Variants in KLHL1 observed in about 807,000 individuals in gnomAD.
The protein encoded by KLHL1 is kelch like family member 1.
KLHL1 carries 47 observed loss-of-function variants against 77.7 expected under a neutral mutation model. The ratio of observed to expected loss-of-function variants is 0.60; its 90% CI spans 0.48 to 0.77. The LOEUF (loss-of-function observed/expected upper bound fraction) is 0.77. Among genes scored for constraint, KLHL1 ranks in the 30% least tolerant of loss-of-function variants. The pLI is 0.00. For missense variants in KLHL1, 925 were observed against 910.8 expected, an observed-to-expected ratio of 1.02 and a Z score of -0.20; for synonymous variants, 360 against 325.2, an observed-to-expected ratio of 1.11 and a Z score of -1.15.
intron 6 of KLHL1, among the ~76,000 whole-genome samples, chr13:69,830,043 G>GA (rs1878701287): frequency 6.9e-6 from 1 of 143,974 alleles, no homozygotes; most frequent in African/African-American, 2.8e-5. Flanking sequence ...TAATACAGTG[G>GA]GAAAAAAAAA....
intron 7 of KLHL1, among the ~76,000 whole-genome samples, chr13:69,750,821 T>G (rs1803638017): frequency 1.3e-5 from 2 of 152,086 alleles, no homozygotes; most frequent in Admixed American, 1.3e-4. Context: ...ATTTCATTCT[T>G]TCTTTGGCTG....
At chr13:69,967,686 A>T (rs1422686101) in intron 2 of KLHL1, among the ~76,000 whole-genome samples, 2 of 152,150 alleles carry the variant, frequency 1.3e-5, no homozygotes, top group African/African-American at 4.8e-5. Flanking sequence ...GGAGTTCAAG[A>T]TCAGCCTGGC....
chr13:69,922,563 C>A (rs1021452559), intron 4 of KLHL1, among the ~76,000 whole-genome samples: 1 of 152,014 alleles, frequency 6.6e-6, no homozygotes, highest in Non-Finnish European at 1.5e-5. Flanking sequence ...AGGAAAGTAA[C>A]CTCCTAATTT....
chr13:69,885,151 A>G (rs1040541693), intron 4 of KLHL1, among the ~76,000 whole-genome samples: 3 of 147,878 alleles, frequency 2.0e-5, no homozygotes, highest in African/African-American at 7.8e-5. Flanking sequence ...CGTGTTAGCC[A>G]GGATGGTCTC....
At chr13:69,943,793 C>T (rs577627917) in intron 3 of KLHL1, among the ~76,000 whole-genome samples, 4 of 152,092 alleles carry the variant, frequency 2.6e-5, no homozygotes, top group Non-Finnish European at 5.9e-5. Flanking sequence ...TGACTTAAAA[C>T]TTCAGAGGAA....
At chr13:69,858,090 T>A (rs902015913) in intron 5 of KLHL1, among the ~76,000 whole-genome samples, 2 of 152,098 alleles carry the variant, frequency 1.3e-5, no homozygotes, top group African/African-American at 4.8e-5. Context: ...TAAGGTCAGT[T>A]CTGACAAGTT....
chr13:69,885,423 TA>T (rs1175696065), intron 4 of KLHL1, among the ~76,000 whole-genome samples: 1 of 27,264 alleles, frequency 3.7e-5, no homozygotes, highest in Non-Finnish European at 2.0e-4. Flanking sequence ...ATGTAGGTGT[TA>T]TTTTTTTTTT....
At chr13:70,014,661 G>A (rs1885614784) in intron 1 of KLHL1, among the ~76,000 whole-genome samples, 1 of 152,106 alleles carries the variant, frequency 6.6e-6, no homozygotes, top group Non-Finnish European at 1.5e-5. Flanking sequence ...TCCAATTGCT[G>A]TAGGATCTTT....
chr13:69,853,318 G>A (rs1245305968), intron 5 of KLHL1, among the ~76,000 whole-genome samples: 1 of 151,892 alleles, frequency 6.6e-6, no homozygotes, highest in Non-Finnish European at 1.5e-5. Flanking sequence ...GGTTTTATAA[G>A]GGGCTTTTCC....
At position 69,882,527 on chromosome 13, in the gene KLHL1, T is replaced by G. The variant is rs187111085; in HGVS notation, c.1015-32A>C. The stretch of plus-strand genomic sequence containing the variant: ...GGAGAAAATATCTTGGCATAAATTC[T>G]GTTTCACTTTTATTTAGCTAGTAAA... On this transcript the variant is annotated intron_variant, in intron 4 of 10. Coordinates refer to ENST00000377844, the MANE Select transcript of KLHL1 (RefSeq NM_020866.3). 3,390 of 1,489,312 alleles carry G rather than the reference T, an allele frequency of 2.3e-3. 11 individuals carry two copies. The highest frequency in any genetic ancestry group is 5.4e-3 in the Middle Eastern group (31 of 5,744). 92.3% of individuals were successfully genotyped at this position (1,489,312 alleles called of 1,614,324 possible).
intron 4 of KLHL1, among the ~76,000 whole-genome samples, chr13:69,896,242 CTT>C (rs900198268): frequency 2.0e-5 from 3 of 152,100 alleles, no homozygotes; most frequent in African/African-American, 7.2e-5. Flanking sequence ...CTCTTCTCTC[CTT>C]TCTTATTCTC....
chr13:70,062,210 C>G (rs965325462), intron 1 of KLHL1, among the ~76,000 whole-genome samples: 4 of 152,066 alleles, frequency 2.6e-5, no homozygotes, highest in African/African-American at 9.7e-5. Flanking sequence ...GCAGAAAATT[C>G]ATATAGAATT....
In KLHL1 at chr13:70,043,451, G is replaced by A. The variant is rs79342188; in HGVS notation, c.497+63752C>T. Among the ~76,000 whole-genome samples the A allele has an allele frequency of 1.4e-4, 22 of 152,086 alleles. No homozygotes were observed. In the South Asian group the frequency reaches 1.7e-3, roughly 11 times the overall value. On this transcript the variant is annotated intron_variant, in intron 1 of 10. Coordinates refer to ENST00000377844, the MANE Select transcript of KLHL1 (RefSeq NM_020866.3). The stretch of plus-strand genomic sequence containing the variant: ...ATTTAGTGTAGCCAAAACATACAGC[G>A]TTTATACAGTCTATGGTAGTGTACA...
At chr13:69,932,742 G>C (rs981705490) in intron 4 of KLHL1, among the ~76,000 whole-genome samples, 3 of 151,604 alleles carry the variant, frequency 2.0e-5, no homozygotes, top group Non-Finnish European at 4.4e-5. Context: ...TTTAGAAATC[G>C]AAGCTCAGTA....
chr13:69,917,529 C>T (rs527723840), intron 4 of KLHL1, among the ~76,000 whole-genome samples: 1 of 152,106 alleles, frequency 6.6e-6, no homozygotes, highest in South Asian at 2.1e-4. Flanking sequence ...AACAAGAAAC[C>T]CTTGGAGGAA....
intron 1 of KLHL1, among the ~76,000 whole-genome samples, chr13:70,006,496 C>T (rs1419751467): frequency 8.3e-6 from 1 of 120,424 alleles, no homozygotes; most frequent in Non-Finnish European, 1.7e-5. Context: ...AAGTATTCCC[C>T]CTCAAGTTTT....
chr13:69,880,642 C>A (rs1566358768), intron 5 of KLHL1, among the ~76,000 whole-genome samples: 1 of 152,112 alleles, frequency 6.6e-6, no homozygotes, highest in Non-Finnish European at 1.5e-5. Context: ...CATCTCTGAT[C>A]TGATGTAACC....
chr13:69,747,485 A>T (rs1485779173), intron 7 of KLHL1, among the ~76,000 whole-genome samples: 1 of 152,074 alleles, frequency 6.6e-6, no homozygotes, highest in African/African-American at 2.4e-5. Context: ...ATTAATATGT[A>T]AAACACTTAG....
At chr13:69,901,822 A>T (rs1485018703) in intron 4 of KLHL1, among the ~76,000 whole-genome samples, 3 of 118,420 alleles carry the variant, frequency 2.5e-5, no homozygotes, top group Non-Finnish European at 4.9e-5. Flanking sequence ...TCTGAGACGG[A>T]GTCTCGCTCT....
Sources: gnomAD v4.1 joint callset for allele counts (sites outside exome capture counted in the v4.1 genomes callset) on GRCh38, gnomAD v4.1.1 for gene constraint, MANE v1.5 for transcripts, NCBI Gene and HGNC (gene_info 2026-07-23, HGNC 2026-07-21) for gene names.